The following MRE11 variants were observed in gnomAD, a reference collection of about 807,000 sequenced individuals.
The protein encoded by MRE11 is double-strand break repair protein MRE11.
Under a neutral mutation model 91.7 loss-of-function variants are expected in MRE11, and 62 were observed. That is an observed-to-expected ratio of 0.68 (90% CI 0.55 to 0.84). The LOEUF (loss-of-function observed/expected upper bound fraction) is 0.84, where lower values mean the gene tolerates loss of function less well. Among genes scored for constraint, MRE11 ranks in the 40% least tolerant of loss-of-function variants. The probability of loss-of-function intolerance (pLI) is 0.00; values close to 1 mark genes in which losing one functional copy is unlikely to be tolerated. For missense variants in MRE11, 796 were observed against 852.9 expected, an observed-to-expected ratio of 0.93 and a Z score of 0.83; for synonymous variants, 273 against 271.4, an observed-to-expected ratio of 1.01 and a Z score of -0.06.
chr11:94,496,668 C>T, upstream of MRE11: 1 of 1,530,638 alleles, frequency 6.5e-7, no homozygotes, highest in Non-Finnish European at 8.8e-7. Context: ...ATTTGAAATG[C>T]TTTTTATTTA....
In MRE11 at chr11:94,459,505, T is replaced by A. The variant is rs1805367; in HGVS notation, c.1403A>T (p.Asp468Val). 9 of 1,613,984 alleles carry A rather than the reference T, an allele frequency of 5.6e-6. No individual in the cohort carries two copies. Among genetic ancestry groups the A allele is most frequent in the Non-Finnish European group, 7.6e-6 (9 of 1,179,954 alleles). Residue 468 changes from aspartate (D) to valine (V), a missense_variant, in exon 13 of 20, where the codon GAT (aspartate) becomes GTT (valine). By Grantham distance (152) the Asp-to-Val change is radical. Transcript: ENST00000323929. The stretch of plus-strand genomic sequence containing the variant: ...GTATTTCACTAATTCCTCAATGGCA[T>A]CTTTCTCCTCCTTGTCCACAAATTC... The part of the protein sequence containing the change: ...VQEFVDKEEK[D>V]AIEELVKYQL...
chr11:94,459,525 A>C lies in MRE11; in HGVS notation c.1383T>G (p.Phe461Leu), dbSNP rs759049812. 6.2e-7 allele frequency: 1 copy of C among 1,614,068 alleles called. No homozygotes were observed. The highest frequency in any genetic ancestry group is 8.5e-7 in the Non-Finnish European group (1 of 1,179,944). Reference sequence around the variant, plus strand: ...TGGCATCTTTCTCCTCCTTGTCCACAAATTCTTGTACTGCTTCACCCATCC... The same window carrying C: ...TGGCATCTTTCTCCTCCTTGTCCACCAATTCTTGTACTGCTTCACCCATCC... The part of the protein sequence containing the change: ...ERGMGEAVQE[F>L]VDKEEKDAIE... The change falls in exon 13 of 20, where the codon TTT becomes TTG. Residue 461 changes from phenylalanine to leucine, a missense_variant. Phe to Leu is a conservative substitution (Grantham distance 22). Coordinates refer to ENST00000323929, the MANE Select transcript of MRE11 (RefSeq NM_005591.4).
chr11:94,421,153 A>G (rs1945160939), intron 19 of MRE11, among the ~76,000 whole-genome samples: 1 of 152,238 alleles, frequency 6.6e-6, no homozygotes, highest in Non-Finnish European at 1.5e-5. Flanking sequence ...AACCTCAGAT[A>G]AGCCCAATTA....
At chr11:94,470,350 A>T in intron 9 of MRE11, 121 bp downstream of exon 9, 1 of 1,025,602 alleles carries the variant, frequency 9.8e-7, no homozygotes. Flanking sequence ...CAGTGTCCTT[A>T]CAGGCTTCAT....
intron 16 of MRE11, among the ~76,000 whole-genome samples, chr11:94,437,722 C>A (rs369116753): frequency 6.6e-6 from 1 of 152,300 alleles, no homozygotes; most frequent in East Asian, 1.9e-4. Flanking sequence ...AAACAGCATT[C>A]TATGATAAAA....
chr11:94,456,435 A>C, intron 13 of MRE11, 97 bp from the exon 14 acceptor site: 1 of 960,106 alleles, frequency 1.0e-6, no homozygotes, highest in East Asian at 2.6e-5. Flanking sequence ...TATGTTATAA[A>C]ACTTGCAAAT....
the MRE11 span, among the ~76,000 whole-genome samples, chr11:94,500,853 A>G: frequency 2.0e-5 from 3 of 152,190 alleles, no homozygotes; most frequent in Non-Finnish European, 4.4e-5. Context: ...ATGCTGGAAA[A>G]TCATGATCAG....
At chr11:94,426,174 C>A (rs539741556) in intron 19 of MRE11, among the ~76,000 whole-genome samples, 3 of 152,100 alleles carry the variant, frequency 2.0e-5, no homozygotes, top group African/African-American at 7.2e-5. Context: ...TTAAGAAGAT[C>A]TCTCAAAACT....
chr11:94,462,643 G>A (rs1260534797), intron 11 of MRE11, among the ~76,000 whole-genome samples: 1 of 152,162 alleles, frequency 6.6e-6, no homozygotes, highest in African/African-American at 2.4e-5. Flanking sequence ...ACAACCATCT[G>A]ATCTTTGACA....
rs779246843 is a variant in MRE11, at chr11:94,476,341, G to A, written c.607C>T (p.Pro203Ser). ...AACCAAGAGTTCTCATCTTCCTTTG[G>A]TCTCAACATTGTTACTTTTTTATTG... is the stretch of plus-strand genomic sequence containing the variant. ...FVNKKVTMLRPKEDENSWFNL... is the reference protein window; with the variant it reads ...FVNKKVTMLRSKEDENSWFNL... Residue 203 changes from proline to serine, a missense_variant, in exon 7 of 20, where the codon CCA becomes TCA. Coordinates refer to ENST00000323929, the MANE Select transcript of MRE11 (RefSeq NM_005591.4). 5 of 1,613,332 alleles carry A rather than the reference G, an allele frequency of 3.1e-6. No individual in the cohort carries two copies. In the East Asian group the frequency reaches 1.1e-4, roughly 36 times the overall value.
intron 12 of MRE11, among the ~76,000 whole-genome samples, chr11:94,460,721 A>G (rs1240216700): frequency 6.6e-6 from 1 of 152,224 alleles, no homozygotes; most frequent in Non-Finnish European, 1.5e-5. Context: ...AATAACAGCT[A>G]TATTAATAAC....
rs981059393 is a variant in MRE11 at position 94,416,305 on chromosome 11, G to A, written c.*3820C>T. On this transcript the variant is annotated 3_prime_UTR_variant, in exon 20 of 20. Coordinates refer to ENST00000323929, the MANE Select transcript of MRE11 (RefSeq NM_005591.4). ...GAGCTAAAATCAGATCCAGTTATTT[G>A]ACACAGCAAAGACATACAAATGTAC... 6.6e-6 allele frequency: 1 copy of A among 152,138 alleles called. No individual in the cohort carries two copies. The highest frequency in any genetic ancestry group is 2.4e-5 in the African/African-American group (1 of 41,426). 9.4% of individuals were successfully genotyped at this position (152,138 alleles called of 1,614,324 possible). A position where few individuals can be genotyped will look rare whatever the true frequency, so the allele number is the denominator to read the frequency against.
rs1360239794 is a variant in MRE11 at position 94,417,864 on chromosome 11, T to C, written c.*2261A>G. 1.3e-5 allele frequency: 3 copies of C among 232,996 alleles called. No individual in the cohort carries two copies. Among genetic ancestry groups the C allele is most frequent in the African/African-American group, 6.6e-5 (3 of 45,334 alleles). 14.4% of individuals were successfully genotyped at this position (232,996 alleles called of 1,614,324 possible). ...TAAGCACCACTTATATTTTCAAGAATTTCCTAGAACTTCGAGGAATCTTTA... is the reference window on the plus strand; with the variant it reads ...TAAGCACCACTTATATTTTCAAGAACTTCCTAGAACTTCGAGGAATCTTTA... On this transcript the variant is annotated 3_prime_UTR_variant, in exon 20 of 20. Coordinates refer to ENST00000323929, the MANE Select transcript of MRE11 (RefSeq NM_005591.4).
chr11:94,426,165 TAAG>T (rs1337499499), intron 19 of MRE11, among the ~76,000 whole-genome samples: 8 of 152,268 alleles, frequency 5.3e-5, no homozygotes, highest in Admixed American at 2.6e-4. Flanking sequence ...ATATCAATAT[TAAG>T]AAGATCTCTC....
At chr11:94,421,336 TTAAC>T (rs1244770532) in intron 19 of MRE11, among the ~76,000 whole-genome samples, 1 of 152,234 alleles carries the variant, frequency 6.6e-6, no homozygotes, top group African/African-American at 2.4e-5. Context: ...GTTAGCTAAA[TTAAC>T]TATCTCTGAT....
Position 94,445,855 on chromosome 11 carries a change from A to C in MRE11, c.1822T>G (p.Ser608Ala), listed in dbSNP as rs770184763. 17 of 1,613,744 alleles carry C rather than the reference A, an allele frequency of 1.1e-5. No homozygotes were observed. The highest frequency in any genetic ancestry group is 5.0e-5 in the Admixed American group (3 of 60,004). Residue 608 changes from serine (S) to alanine (A), a missense_variant, in exon 16 of 20, where the codon TCA (serine) becomes GCA (alanine). Coordinates refer to ENST00000323929, the MANE Select transcript of MRE11 (RefSeq NM_005591.4). Reference protein sequence around the residue: ...GLETSTRSRNSKTAVSASRNM... With the variant: ...GLETSTRSRNAKTAVSASRNM... Reference sequence around the variant, plus strand: ...CTAGATGCTGACACAGCAGTCTTTGAGTTCCTGCTACGGGTAGAAGTCTCC... The same window carrying C: ...CTAGATGCTGACACAGCAGTCTTTGCGTTCCTGCTACGGGTAGAAGTCTCC...
At chr11:94,444,187 G>A (rs1455236186) in intron 16 of MRE11, among the ~76,000 whole-genome samples, 1 of 152,054 alleles carries the variant, frequency 6.6e-6, no homozygotes, top group Non-Finnish European at 1.5e-5. Context: ...AGGATTATAG[G>A]CATGAGCCAC....
rs908197020 is a variant in MRE11, at chr11:94,493,782, T to C, written c.-106+9A>G. ...TCCGTGAAAAGAAAACAACACGGTC[T>C]GAACTTGCCTCTGAGAACCCGCAGG... On this transcript the variant is annotated intron_variant, in intron 1 of 19. Coordinates refer to ENST00000323929, the MANE Select transcript of MRE11 (RefSeq NM_005591.4). 4 of 152,274 alleles carry C rather than the reference T, an allele frequency of 2.6e-5. No homozygotes were observed. The highest frequency in any genetic ancestry group is 4.4e-5 in the Non-Finnish European group (3 of 68,070). The allele number at this position is 152,274 out of a possible 1,614,324, so 9.4% of individuals were successfully genotyped here. A position where few individuals can be genotyped will look rare whatever the true frequency, so the allele number is the denominator to read the frequency against.
upstream of MRE11, chr11:94,498,554 G>C: frequency 6.3e-7 from 1 of 1,578,298 alleles, no homozygotes; most frequent in Non-Finnish European, 8.6e-7. Flanking sequence ...ATTTTCCTAA[G>C]TTTCTAAATA....
Sources: allele counts gnomAD v4.1 joint callset (sites outside exome capture counted in the v4.1 genomes callset), GRCh38; gene constraint gnomAD v4.1.1; transcripts MANE v1.5; gene names NCBI Gene and HGNC (gene_info 2026-07-23, HGNC 2026-07-21).